The following PDE4D variants were observed in gnomAD, a reference collection of about 807,000 sequenced individuals.
The protein encoded by PDE4D is phosphodiesterase 4D, also known as 3',5'-cyclic-AMP phosphodiesterase 4D.
A neutral mutation model predicts 87.4 loss-of-function variants in PDE4D; 24 were observed. That is an observed-to-expected ratio of 0.27 (90% confidence interval 0.20 to 0.39). The LOEUF (loss-of-function observed/expected upper bound fraction) is 0.39, where lower values mean the gene tolerates loss of function less well. Ranked by LOEUF, PDE4D falls within the 10% of genes least tolerant of loss-of-function variation. The pLI is 1.00. For missense variants in PDE4D, 714 were observed against 1,041.0 expected, an observed-to-expected ratio of 0.69 and a Z score of 4.32; for synonymous variants, 384 against 383.2, an observed-to-expected ratio of 1.00 and a Z score of -0.02.
At chr5:59,555,933 T>C (rs1011850578) in intron 1 of PDE4D, among the ~76,000 whole-genome samples, 2 of 152,166 alleles carry the variant, frequency 1.3e-5, no homozygotes, top group Non-Finnish European at 2.9e-5. Context: ...CTGTGCTCCC[T>C]GGGACCTTGG....
chr5:60,252,288 T>C (rs759379427), intron 1 of PDE4D, among the ~76,000 whole-genome samples: 1 of 151,962 alleles, frequency 6.6e-6, no homozygotes, highest in Non-Finnish European at 1.5e-5. Flanking sequence ...TTAATGTACT[T>C]TTTAAACAAA....
intron 1 of PDE4D, among the ~76,000 whole-genome samples, chr5:60,321,066 G>T (rs1756214303): frequency 6.6e-6 from 1 of 152,084 alleles, no homozygotes; most frequent in South Asian, 2.1e-4. Context: ...AAATTCATAT[G>T]GAACCAAAAA....
intron 1 of PDE4D, among the ~76,000 whole-genome samples, chr5:59,489,285 C>CA (rs70975319): frequency 0.19 from 27,558 of 148,344 alleles, 3,039 homozygotes; most frequent in Non-Finnish European, 0.25. Context: ...ACAAAAAAAA[C>CA]AAAAAAAAAC....
chr5:59,775,258 G>A (rs1763963577), intron 1 of PDE4D, among the ~76,000 whole-genome samples: 1 of 152,024 alleles, frequency 6.6e-6, no homozygotes, highest in African/African-American at 2.4e-5. Flanking sequence ...ATTTCAGTGA[G>A]AGGAATAACC....
At chr5:60,230,574 T>G (rs1745686172) in intron 1 of PDE4D, among the ~76,000 whole-genome samples, 1 of 152,156 alleles carries the variant, frequency 6.6e-6, no homozygotes, top group Non-Finnish European at 1.5e-5. Context: ...GGACTACTGA[T>G]TTTAACTGAG....
At chr5:59,056,391 C>T (rs954657595) in intron 5 of PDE4D, among the ~76,000 whole-genome samples, 4 of 152,108 alleles carry the variant, frequency 2.6e-5, no homozygotes, top group African/African-American at 4.8e-5. Context: ...ACCGACTGGA[C>T]GCTGAGACAA....
intron 1 of PDE4D, among the ~76,000 whole-genome samples, chr5:59,531,133 T>A (rs888361468): frequency 6.6e-6 from 1 of 152,230 alleles, no homozygotes; most frequent in Non-Finnish European, 1.5e-5. Context: ...TCATCACACA[T>A]GGTTCCCAGG....
At chr5:59,709,045 T>C (rs1753837703) in intron 1 of PDE4D, among the ~76,000 whole-genome samples, 1 of 152,070 alleles carries the variant, frequency 6.6e-6, no homozygotes, top group Non-Finnish European at 1.5e-5. Flanking sequence ...TAAAAAGTGC[T>C]TTAAAGATCA....
intron 1 of PDE4D, among the ~76,000 whole-genome samples, chr5:59,421,311 G>C (rs976254855): frequency 6.6e-6 from 1 of 152,102 alleles, no homozygotes; most frequent in Non-Finnish European, 1.5e-5. Context: ...TAATTTACTA[G>C]TACTGCAGAA....
intron 2 of PDE4D, among the ~76,000 whole-genome samples, chr5:60,037,868 A>C (rs970659461): frequency 2.6e-5 from 4 of 152,174 alleles, no homozygotes; most frequent in African/African-American, 9.7e-5. Flanking sequence ...AGACAACTGC[A>C]TTTTTTAGTC....
intron 1 of PDE4D, among the ~76,000 whole-genome samples, chr5:60,322,592 A>G (rs1756410917): frequency 6.6e-6 from 1 of 151,986 alleles, no homozygotes; most frequent in African/African-American, 2.4e-5. Context: ...ACTTCCGCAA[A>G]TCCCTTTCTG....
intron 1 of PDE4D, among the ~76,000 whole-genome samples, chr5:59,530,266 T>C (rs185786939): frequency 6.6e-6 from 1 of 152,218 alleles, no homozygotes; most frequent in Admixed American, 6.5e-5. Context: ...ATATATGGTA[T>C]ACTAAAACTT....
At chr5:60,109,717 A>T (rs1300687049) in intron 2 of PDE4D, among the ~76,000 whole-genome samples, 3 of 152,112 alleles carry the variant, frequency 2.0e-5, no homozygotes, top group African/African-American at 4.8e-5. Context: ...TGTAGGGACA[A>T]GGATGAAATT....
intron 3 of PDE4D, among the ~76,000 whole-genome samples, chr5:59,913,230 C>T (rs1456796314): frequency 6.6e-6 from 1 of 152,064 alleles, no homozygotes; most frequent in Non-Finnish European, 1.5e-5. Flanking sequence ...TAAAAAAATT[C>T]AGAAATCTGT....
intron 2 of PDE4D, among the ~76,000 whole-genome samples, chr5:60,157,955 T>C (rs1174435392): frequency 6.6e-6 from 1 of 151,788 alleles, no homozygotes; most frequent in Non-Finnish European, 1.5e-5. Flanking sequence ...CGTCTCTTTC[T>C]TTCTTTCCTC....
At chr5:60,440,769 C>A (rs939231455) in intron 1 of PDE4D, among the ~76,000 whole-genome samples, 1 of 152,024 alleles carries the variant, frequency 6.6e-6, no homozygotes, top group Non-Finnish European at 1.5e-5. Context: ...TTACTATGTG[C>A]AGGATAATCA....
At chr5:59,689,219 A>G (rs969802030) in intron 1 of PDE4D, among the ~76,000 whole-genome samples, 14 of 152,354 alleles carry the variant, frequency 9.2e-5, no homozygotes, top group African/African-American at 3.4e-4. Context: ...AACTCATTTT[A>G]TAAGGCCAGC....
At chr5:59,502,478 C>G (rs1808458117) in intron 1 of PDE4D, among the ~76,000 whole-genome samples, 1 of 151,984 alleles carries the variant, frequency 6.6e-6, no homozygotes, top group Middle Eastern at 3.4e-3. Flanking sequence ...ATTCTTCTAC[C>G]CAATTAAAAC....
At chr5:59,790,003 T>C (rs745424088) in intron 1 of PDE4D, among the ~76,000 whole-genome samples, 3 of 152,290 alleles carry the variant, frequency 2.0e-5, no homozygotes, top group Admixed American at 6.5e-5. Context: ...GGGAGTGTCA[T>C]TGGAGAGAGT....
Sources: allele counts gnomAD v4.1 joint callset (sites outside exome capture counted in the v4.1 genomes callset), GRCh38; gene constraint gnomAD v4.1.1; transcripts MANE v1.5; gene names NCBI Gene and HGNC (gene_info 2026-07-23, HGNC 2026-07-21).